Variants in CEP152 observed in about 807,000 individuals in gnomAD.
The protein encoded by CEP152 is centrosomal protein of 152 kDa.
A neutral mutation model predicts 188.9 loss-of-function variants in CEP152; 132 were observed. The observed-to-expected ratio is 0.70, with a 90% CI of 0.61 to 0.81. The LOEUF (loss-of-function observed/expected upper bound fraction) is 0.81, where lower values mean the gene tolerates loss of function less well. CEP152 is among the 30% of genes least tolerant of loss of function. The pLI, the probability that CEP152 is intolerant of heterozygous loss-of-function variation, is 0.00. For missense variants in CEP152, 1,914 were observed against 1,969.8 expected (o/e 0.97, Z 0.54); for synonymous variants, 649 against 666.6 (o/e 0.97, Z 0.41).
chr15:48,753,416 T>C (rs1253447424), intron 20 of CEP152, among the ~76,000 whole-genome samples: 1 of 152,236 alleles, frequency 6.6e-6, no homozygotes, highest in Non-Finnish European at 1.5e-5. Flanking sequence ...GAAAGTAGTC[T>C]TACTGATTAT....
intron 22 of CEP152, among the ~76,000 whole-genome samples, chr15:48,746,613 G>C (rs2140600424): frequency 6.6e-6 from 1 of 152,240 alleles, no homozygotes; most frequent in South Asian, 2.1e-4. Flanking sequence ...AGTAATAAGT[G>C]CCTTAGTAAT....
At chr15:48,789,140 A>T in intron 8 of CEP152, 139 bp from the exon 9 acceptor site, 1 of 778,764 alleles carries the variant, frequency 1.3e-6, no homozygotes. Flanking sequence ...GTCTCCGCTC[A>T]TCATGGCTCA....
In CEP152 at chr15:48,767,208, C is replaced by T; in HGVS notation, c.2148-16G>A. The T allele has an allele frequency of 1.9e-6, 3 of 1,613,802 alleles. No homozygotes were observed. Among genetic ancestry groups the T allele is most frequent in the Non-Finnish European group, 2.5e-6 (3 of 1,180,010 alleles). ...CAACTCAGACCTTGGATACACAAAA[C>T]CAGCAACTAAATGATTTAACCACAA... On this transcript the variant is annotated splice_polypyrimidine_tract_variant and intron_variant, in intron 16 of 26. Coordinates refer to ENST00000380950, the MANE Select transcript of CEP152 (RefSeq NM_001194998.2).
At chr15:48,747,366 T>C (rs952879213) in intron 22 of CEP152, among the ~76,000 whole-genome samples, 3 of 152,208 alleles carry the variant, frequency 2.0e-5, no homozygotes, top group African/African-American at 7.2e-5. Context: ...GTGGGCACCA[T>C]GGCTATTAGG....
In CEP152 at chr15:48,791,335, T is replaced by G. The variant is rs1056856527; in HGVS notation, c.874A>C (p.Lys292Gln). Residue 292 changes from lysine (K) to glutamine (Q), a missense_variant, in exon 8 of 27, where the codon AAA (lysine) becomes CAA (glutamine). By Grantham distance (53) the Lys-to-Gln change is moderately conservative (BLOSUM62 1). Coordinates refer to ENST00000380950, the MANE Select transcript of CEP152 (RefSeq NM_001194998.2). ...CTTTCTTTTCCATTCTGAAAGAGTT[T>G]CTGTGATTCTCGAAGGCTGAGAGTC... Reference protein sequence around the residue: ...GLTLSLRESQKLFQNGKEREI... With the variant: ...GLTLSLRESQQLFQNGKEREI... 7.4e-6 allele frequency: 12 copies of G among 1,612,726 alleles called. No individual in the cohort carries two copies. The highest frequency in any genetic ancestry group is 3.3e-5 in the Admixed American group (2 of 60,004).
chr15:48,731,231 A>T (rs1892412448), intron 2 of CEP152, among the ~76,000 whole-genome samples: 1 of 152,202 alleles, frequency 6.6e-6, no homozygotes, highest in African/African-American at 2.4e-5. Flanking sequence ...TATAGTTAAC[A>T]ACACTGTATT....
Position 48,793,481 on chromosome 15 carries a change from T to C in CEP152, c.692-20A>G, listed in dbSNP as rs1474200127. 7.5e-6 allele frequency: 12 copies of C among 1,605,000 alleles called. No homozygotes were observed. The highest frequency in any genetic ancestry group is 1.0e-5 in the Non-Finnish European group (12 of 1,173,226). On this transcript the variant is annotated intron_variant, in intron 6 of 26. Coordinates refer to ENST00000380950, the MANE Select transcript of CEP152 (RefSeq NM_001194998.2). ...CAGAGTCTGGGAATTAAAGACAATTTATTAGATAAAAACATACCAAAATAT... is the reference window on the plus strand; with the variant it reads ...CAGAGTCTGGGAATTAAAGACAATTCATTAGATAAAAACATACCAAAATAT...
At position 48,767,102 on chromosome 15, in the gene CEP152, A is replaced by G; in HGVS notation, c.2238T>C (p.Thr746=). 2 of 1,613,450 alleles carry G rather than the reference A, an allele frequency of 1.2e-6. No individual in the cohort carries two copies. Among genetic ancestry groups the G allele is most frequent in the Middle Eastern group, 1.6e-4 (1 of 6,062 alleles). Residue 746 remains threonine (T), a synonymous_variant, in exon 17 of 27, where the codon ACT becomes ACC. Transcript: ENST00000380950. The part of the protein sequence containing the change: ...VCREKDNLEL[T]LRKTTEKEQQ... ...GCTCCTTTTCAGTGGTCTTCCTGAG[A>G]GTCAATTCTAGATTATCCTTCTCTC...
At chr15:48,755,802 A>G (rs1894214231) in intron 20 of CEP152, 101 bp downstream of exon 20, 1 of 1,583,008 alleles carries the variant, frequency 6.3e-7, no homozygotes, top group Non-Finnish European at 8.5e-7. Context: ...CATAAGACTT[A>G]CATCTACTAA....
chr15:48,788,823 G>A lies in CEP152; in HGVS notation c.1151C>T (p.Thr384Ile). Residue 384 changes from threonine (T) to isoleucine (I), a missense_variant, in exon 9 of 27, where the codon ACA becomes ATA. Coordinates refer to ENST00000380950, the MANE Select transcript of CEP152 (RefSeq NM_001194998.2). ...VLSLQKNLDA[T>I]VTALKEQEDI... ...AACCTGTTCTTTAAGTGCGGTGACTGTGGCATCCAAATTCTTTTGTAAGGA... is the reference window on the plus strand; with the variant it reads ...AACCTGTTCTTTAAGTGCGGTGACTATGGCATCCAAATTCTTTTGTAAGGA... The A allele has an allele frequency of 6.8e-6, 11 of 1,614,146 alleles. No homozygotes were observed. In the South Asian group the frequency reaches 1.2e-4, roughly 18 times the overall value.
intron 6 of CEP152, among the ~76,000 whole-genome samples, chr15:48,795,431 A>G (rs1268743320): frequency 6.6e-6 from 1 of 152,194 alleles, no homozygotes. Flanking sequence ...TATAGTCAAA[A>G]ATCTGAGATT....
At chr15:48,769,145 C>T (rs1595644734) in intron 13 of CEP152, 64 bp from the exon 14 acceptor site, 1 of 1,351,768 alleles carries the variant, frequency 7.4e-7, no homozygotes, top group Non-Finnish European at 1.0e-6. Flanking sequence ...CTTTGAAATA[C>T]TTCCATACTT....
At chr15:48,741,238 T>C in intron 26 of CEP152, 1 of 1,122,346 alleles carries the variant, frequency 8.9e-7, no homozygotes, top group Non-Finnish European at 1.1e-6. Context: ...CAAGGGATCC[T>C]CCCACCTCAG....
chr15:48,766,981 A>G, intron 17 of CEP152, 79 bp downstream of exon 17: 1 of 1,580,428 alleles, frequency 6.3e-7, no homozygotes, highest in East Asian at 2.2e-5. Context: ...CTTCTCTAGA[A>G]CAAATGTATT....
chr15:48,766,823 GA>G (rs917178510), intron 17 of CEP152, among the ~76,000 whole-genome samples: 60 of 142,996 alleles, frequency 4.2e-4, no homozygotes, highest in African/African-American at 1.5e-3. Flanking sequence ...AAATCTGCAA[GA>G]AAAAAAAAAT....
chr15:48,777,466 T>TTGTGTGTGTGTGTGTG (rs35650877), intron 12 of CEP152, among the ~76,000 whole-genome samples: 33 of 147,454 alleles, frequency 2.2e-4, no homozygotes, highest in South Asian at 1.7e-3. Context: ...TCTTAGAATA[T>TTGTGTGTGTGTGTGTG]TGTGTGTGTG....
At chr15:48,782,422 T>C (rs1896315703) in intron 10 of CEP152, among the ~76,000 whole-genome samples, 192 bp from the exon 11 acceptor site, 1 of 152,190 alleles carries the variant, frequency 6.6e-6, no homozygotes, top group African/African-American at 2.4e-5. Context: ...CCAGATTTAG[T>C]ATGGCATCCC....
At position 48,765,895 on chromosome 15, in the gene CEP152, G is replaced by A. The variant is rs552231168; in HGVS notation, c.2280+1165C>T. On this transcript the variant is annotated intron_variant, in intron 17 of 26. Coordinates refer to ENST00000380950, the MANE Select transcript of CEP152 (RefSeq NM_001194998.2). ...TCTCGATCTCCTGACCTCGTGATCC[G>A]CCCGTCTCGGCCTCCCAAAGTGCTG... Among the ~76,000 whole-genome samples the A allele has an allele frequency of 3.1e-4, 47 of 151,812 alleles. No homozygotes were observed. The East Asian group carries it at 8.6e-3, about 28-fold the overall frequency.
At chr15:48,755,191 A>G (rs1412552024) in intron 20 of CEP152, among the ~76,000 whole-genome samples, 2 of 152,310 alleles carry the variant, frequency 1.3e-5, no homozygotes, top group African/African-American at 4.8e-5. Flanking sequence ...GAGTACTTAT[A>G]TAACTAAAAG....
Sources: allele counts gnomAD v4.1 joint callset (sites outside exome capture counted in the v4.1 genomes callset), GRCh38; gene constraint gnomAD v4.1.1; transcripts MANE v1.5; gene names NCBI Gene and HGNC (gene_info 2026-07-23, HGNC 2026-07-21).